The following BCAS3 variants were observed in gnomAD, a reference collection of about 807,000 sequenced individuals.
BCAS3 encodes the protein BCAS3 microtubule associated cell migration factor.
In BCAS3, 53 loss-of-function variants were observed where a neutral mutation model predicts 116.1. That is an observed-to-expected ratio of 0.46 (90% CI 0.37 to 0.57). The LOEUF is 0.57. Among genes scored for constraint, BCAS3 ranks in the 20% least tolerant of loss-of-function variants. The probability of loss-of-function intolerance (pLI) is 0.00; values close to 1 mark genes in which losing one functional copy is unlikely to be tolerated. For synonymous variants in BCAS3, 391 were observed against 408.2 expected (o/e 0.96, Z 0.51); for missense variants, 917 against 1,165.4 (o/e 0.79, Z 3.10).
At chr17:60,910,334 TC>T (rs2058426773) in intron 11 of BCAS3, among the ~76,000 whole-genome samples, 197 bp from the exon 12 acceptor site, 2 of 152,186 alleles carry the variant, frequency 1.3e-5, no homozygotes, top group Non-Finnish European at 2.9e-5. Context: ...CTGATGCCAT[TC>T]CCTCAAACTA....
At chr17:61,147,254 T>G (rs942713459) in intron 22 of BCAS3, among the ~76,000 whole-genome samples, 1 of 152,086 alleles carries the variant, frequency 6.6e-6, no homozygotes, top group Admixed American at 6.6e-5. Context: ...TTTTGTATTT[T>G]TAGTAGAGAC....
chr17:61,342,919 T>G (rs1333583270), intron 22 of BCAS3, among the ~76,000 whole-genome samples: 2 of 152,046 alleles, frequency 1.3e-5, no homozygotes, highest in Non-Finnish European at 2.9e-5. Flanking sequence ...CCAGCTAATG[T>G]TTTTGTATCT....
rs2081724237 is a variant in BCAS3, at chr17:61,215,365, CCTT to C, written c.2425+130804_2425+130806del. 6.6e-6 allele frequency among the ~76,000 whole-genome samples: 1 copy of C among 152,198 alleles called. No individual in the cohort carries two copies. The highest frequency in any genetic ancestry group is 1.5e-5 in the Non-Finnish European group (1 of 68,028). On this transcript the variant is annotated intron_variant, in intron 22 of 23. Transcript: ENST00000407086. This position sits in a 1 kb window ranked among gnomAD's most constrained non-coding sequence, Gnocchi z 4.8. ...TCACTGTCAGTAACTAGCTCTCTGT[CCTT>C]CTGACACTTCACCTCTCTGTTCTTC...
chr17:61,147,793 C>T (rs182245012), intron 22 of BCAS3, among the ~76,000 whole-genome samples: 6 of 152,068 alleles, frequency 3.9e-5, no homozygotes, highest in Admixed American at 3.3e-4. Flanking sequence ...TCAAGACCAG[C>T]CTGACCAACA....
intron 22 of BCAS3, among the ~76,000 whole-genome samples, chr17:61,272,632 G>C (rs1252509593): frequency 2.2e-5 from 1 of 45,068 alleles, no homozygotes; most frequent in South Asian, 1.2e-3. Flanking sequence ...GTGAAACCCT[G>C]TCTCAAAAAA....
rs377161639 is a variant in BCAS3 at position 61,140,943 on chromosome 17, G to GTTTT, written c.2425+56386_2425+56389dup. Among the ~76,000 whole-genome samples the GTTTT allele has an allele frequency of 6.8e-6, 1 of 148,016 alleles. No homozygotes were observed. ...CCCTGTGCTCTTTGTCCATTTGAGT[G>GTTTT]TTTTTTTTTTCCCCCAAAAGTATAA... On this transcript the variant is annotated intron_variant, in intron 22 of 23. Transcript: ENST00000407086. The surrounding 1 kb of genome is among the most constrained non-coding windows in gnomAD (Gnocchi z 4.2).
At chr17:61,062,024 C>G (rs2070107039) in intron 19 of BCAS3, among the ~76,000 whole-genome samples, 1 of 152,152 alleles carries the variant, frequency 6.6e-6, no homozygotes, top group African/African-American at 2.4e-5. Flanking sequence ...ACCCACTATG[C>G]AATAAGGTCA....
chr17:61,210,317 A>G (rs2081382543), intron 22 of BCAS3, among the ~76,000 whole-genome samples: 1 of 152,158 alleles, frequency 6.6e-6, no homozygotes, highest in African/African-American at 2.4e-5. Context: ...GGTGGGTTTG[A>G]TCCTGTTGTA....
In BCAS3 at chr17:61,196,158, C is replaced by G. The variant is rs2080465995; in HGVS notation, c.2425+111594C>G. On this transcript the variant is annotated intron_variant, in intron 22 of 23. Transcript: ENST00000407086. This position sits in a 1 kb window ranked among gnomAD's most constrained non-coding sequence, Gnocchi z 4.7. Reference sequence around the variant, plus strand: ...GCTGCTCTAAATTCTTGCTCTGACCCTATCTGAAATCAGTGTAGTCTGAAC... The same window carrying G: ...GCTGCTCTAAATTCTTGCTCTGACCGTATCTGAAATCAGTGTAGTCTGAAC... Among the ~76,000 whole-genome samples the G allele has an allele frequency of 6.6e-6, 1 of 152,154 alleles. No homozygotes were observed. The highest frequency in any genetic ancestry group is 6.5e-5 in the Admixed American group (1 of 15,272).
chr17:61,282,530 T>C lies in BCAS3; in HGVS notation c.2426-85797T>C, dbSNP rs1386648240. On this transcript the variant is annotated intron_variant, in intron 22 of 23. Coordinates refer to ENST00000407086, the MANE Select transcript of BCAS3 (RefSeq NM_017679.5). This position sits in a 1 kb window ranked among gnomAD's most constrained non-coding sequence, Gnocchi z 5.9. ...CTTCTGGGAACTAAAGTTGGTTTCGTTGGCTTACTCTTAGACAGATGTGAC... is the reference window on the plus strand; with the variant it reads ...CTTCTGGGAACTAAAGTTGGTTTCGCTGGCTTACTCTTAGACAGATGTGAC... 1.3e-5 allele frequency among the ~76,000 whole-genome samples: 2 copies of C among 152,250 alleles called. No individual in the cohort carries two copies. Among genetic ancestry groups the C allele is most frequent in the Non-Finnish European group, 2.9e-5 (2 of 68,042 alleles).
intron 13 of BCAS3, among the ~76,000 whole-genome samples, chr17:60,929,710 C>A (rs1231206991): frequency 2.2e-5 from 2 of 90,068 alleles, no homozygotes; most frequent in Admixed American, 1.5e-4. Flanking sequence ...CTAATGCTAT[C>A]CCTCCCCCCT....
At chr17:60,810,261 G>A in intron 7 of BCAS3, 1 of 443,726 alleles carries the variant, frequency 2.3e-6, no homozygotes, top group Non-Finnish European at 4.4e-6. Context: ...TCAGCAGTGT[G>A]GCCAGTGTCT....
chr17:60,837,716 C>T (rs982324565), intron 7 of BCAS3, among the ~76,000 whole-genome samples: 1 of 148,794 alleles, frequency 6.7e-6, no homozygotes, highest in African/African-American at 2.5e-5. Context: ...TGCAGTAGCA[C>T]AATCTTGGCT....
intron 22 of BCAS3, among the ~76,000 whole-genome samples, chr17:61,114,073 T>C (rs918737703): frequency 3.3e-5 from 5 of 151,502 alleles, no homozygotes; most frequent in African/African-American, 1.2e-4. Flanking sequence ...AAATTAGGTA[T>C]TGATGGGATG....
chr17:61,229,565 A>C lies in BCAS3; in HGVS notation c.2426-138762A>C, dbSNP rs569523267. On this transcript the variant is annotated intron_variant, in intron 22 of 23. Transcript: ENST00000407086. This position sits in a 1 kb window ranked among gnomAD's most constrained non-coding sequence, Gnocchi z 4.4. Reference sequence around the variant, plus strand: ...GAAGGACAGGCTGATACACAATGGCAATTAAATGTCAACATTCATTTTGAA... The same window carrying C: ...GAAGGACAGGCTGATACACAATGGCCATTAAATGTCAACATTCATTTTGAA... 1.3e-5 allele frequency among the ~76,000 whole-genome samples: 2 copies of C among 152,252 alleles called. No individual in the cohort carries two copies. The highest frequency in any genetic ancestry group is 3.9e-4 in the East Asian group (2 of 5,194).
Position 61,087,257 on chromosome 17 carries a change from T to A in BCAS3, c.2425+2693T>A. ...GAGATACGACCAGTGTGGCACCTCC[T>A]CTGTTGGTCTTCATTGCCCTGTATT... On this transcript the variant is annotated intron_variant, in intron 22 of 23. Coordinates refer to ENST00000407086, the MANE Select transcript of BCAS3 (RefSeq NM_017679.5). The surrounding 1 kb of genome is among the most constrained non-coding windows in gnomAD (Gnocchi z 4.6). The A allele has an allele frequency of 1.0e-6, 1 of 973,814 alleles. No homozygotes were observed. The highest frequency in any genetic ancestry group is 1.2e-6 in the Non-Finnish European group (1 of 819,276). The allele number at this position is 973,814 out of a possible 1,614,324, so 60.3% of individuals were successfully genotyped here.
intron 6 of BCAS3, among the ~76,000 whole-genome samples, chr17:60,793,687 A>G (rs1205099917): frequency 6.6e-6 from 1 of 152,216 alleles, no homozygotes; most frequent in Non-Finnish European, 1.5e-5. Context: ...TTCACTTAGA[A>G]TAAAAGTCTC....
rs143784382 is a variant in BCAS3, at chr17:61,097,765, G to C, written c.2425+13201G>C. ...AGGATCAAGGTCCATTTTAGCAATAGTCAAAGAACAGGACTTAGGACACCT... is the reference window on the plus strand; with the variant it reads ...AGGATCAAGGTCCATTTTAGCAATACTCAAAGAACAGGACTTAGGACACCT... On this transcript the variant is annotated intron_variant, in intron 22 of 23. Coordinates refer to ENST00000407086, the MANE Select transcript of BCAS3 (RefSeq NM_017679.5). This position sits in a 1 kb window ranked among gnomAD's most constrained non-coding sequence, Gnocchi z 4.0. 1.9e-4 allele frequency among the ~76,000 whole-genome samples: 29 copies of C among 152,278 alleles called. No individual in the cohort carries two copies. The highest frequency in any genetic ancestry group is 1.2e-4 in the Non-Finnish European group (8 of 68,018).
At chr17:60,698,183 CAAA>C (rs759028839) in intron 4 of BCAS3, among the ~76,000 whole-genome samples, 1 of 55,288 alleles carries the variant, frequency 1.8e-5, no homozygotes, top group Non-Finnish European at 3.5e-5. Flanking sequence ...CTCCGTCTCA[CAAA>C]AAAAAAAAAA....
Sources: allele counts gnomAD v4.1 joint callset (sites outside exome capture counted in the v4.1 genomes callset), GRCh38; gene constraint gnomAD v4.1.1; non-coding constraint Gnocchi (gnomAD v3.1); transcripts MANE v1.5; gene names NCBI Gene and HGNC (gene_info 2026-07-23, HGNC 2026-07-21).